The following KLHDC1 variants were observed in gnomAD, a reference collection of about 807,000 sequenced individuals.
The protein encoded by KLHDC1 is kelch domain-containing protein 1.
Under a neutral mutation model 68.3 loss-of-function variants are expected in KLHDC1, and 53 were observed. The observed-to-expected ratio is 0.78, with a 90% confidence interval of 0.62 to 0.98. The LOEUF (loss-of-function observed/expected upper bound fraction) is 0.98. Ranked by LOEUF, KLHDC1 falls within the 50% of genes least tolerant of loss-of-function variation. The probability of loss-of-function intolerance (pLI) is 0.00; values close to 1 mark genes in which losing one functional copy is unlikely to be tolerated. For synonymous variants in KLHDC1, 148 were observed against 159.0 expected, an observed-to-expected ratio of 0.93 and a Z score of 0.52; for missense variants, 470 against 492.3, an observed-to-expected ratio of 0.95 and a Z score of 0.43.
intron 1 of KLHDC1, among the ~76,000 whole-genome samples, chr14:49,695,278 G>T (rs544070386): frequency 2.6e-5 from 4 of 152,116 alleles, no homozygotes; most frequent in African/African-American, 9.6e-5. Flanking sequence ...TTTTACAGGC[G>T]TGAGCCACCG....
At position 49,739,958 on chromosome 14, in the gene KLHDC1, G is replaced by T. The variant is rs1272633912; in HGVS notation, c.897-140G>T. The stretch of plus-strand genomic sequence containing the variant: ...GAGGAATCTTTATAACCCTTTTTAG[G>T]ATATTCCAAAGGTTCAAGTTCAATC... On this transcript the variant is annotated intron_variant, in intron 10 of 12. Transcript: ENST00000359332. The T allele has an allele frequency of 2.1e-5, 11 of 515,160 alleles. No homozygotes were observed. The Admixed American group carries it at 3.8e-4, about 18-fold the overall frequency. 31.9% of individuals were successfully genotyped at this position (515,160 alleles called of 1,614,324 possible). A position where few individuals can be genotyped will look rare whatever the true frequency, so the allele number is the denominator to read the frequency against.
Position 49,746,900 on chromosome 14 carries a change from G to A in KLHDC1, c.1034+3095G>A, listed in dbSNP as rs574811490. 4.0e-5 allele frequency among the ~76,000 whole-genome samples: 6 copies of A among 151,158 alleles called. No homozygotes were observed. The South Asian group carries it at 6.3e-4, about 16-fold the overall frequency. ...CTCCCTTACTCCTTGGACTCTTCTC[G>A]GTTCTCCAAATAATAAGACCCTTCC... On this transcript the variant is annotated intron_variant, in intron 12 of 12. Coordinates refer to ENST00000359332, the MANE Select transcript of KLHDC1 (RefSeq NM_172193.3).
At chr14:49,745,906 A>G (rs1402829966) in intron 12 of KLHDC1, among the ~76,000 whole-genome samples, 1 of 152,242 alleles carries the variant, frequency 6.6e-6, no homozygotes, top group Non-Finnish European at 1.5e-5. Flanking sequence ...TAAGATGATC[A>G]TATTACAAGT....
At chr14:49,746,445 G>C (rs1483881977) in intron 12 of KLHDC1, among the ~76,000 whole-genome samples, 1 of 152,150 alleles carries the variant, frequency 6.6e-6, no homozygotes, top group Admixed American at 6.5e-5. Context: ...AGAGTGACCA[G>C]AGAAGTTGAA....
chr14:49,711,590 A>G (rs1888202325), intron 4 of KLHDC1, among the ~76,000 whole-genome samples: 1 of 151,848 alleles, frequency 6.6e-6, no homozygotes, highest in Non-Finnish European at 1.5e-5. Flanking sequence ...TGCCTGCCTC[A>G]GTCTCCCAAA....
intron 4 of KLHDC1, among the ~76,000 whole-genome samples, chr14:49,715,953 A>G (rs1888366178): frequency 6.6e-6 from 1 of 151,910 alleles, no homozygotes; most frequent in Non-Finnish European, 1.5e-5. Context: ...TCTGATATAA[A>G]TCTTACATGG....
At chr14:49,700,878 C>G (rs978925333) in intron 1 of KLHDC1, among the ~76,000 whole-genome samples, 2 of 151,966 alleles carry the variant, frequency 1.3e-5, no homozygotes, top group Non-Finnish European at 2.9e-5. Context: ...GTCAGGAGTT[C>G]AAGACCAGCC....
chr14:49,713,825 TATATATA>T (rs1888283679), intron 4 of KLHDC1, among the ~76,000 whole-genome samples: 4 of 3,526 alleles, frequency 1.1e-3, no homozygotes, highest in Non-Finnish European at 1.6e-3. Context: ...TATATATATA[TATATATA>T]TATATATATA....
intron 4 of KLHDC1, among the ~76,000 whole-genome samples, chr14:49,714,115 G>A (rs1196365806): frequency 2.0e-5 from 3 of 150,742 alleles, no homozygotes; most frequent in South Asian, 4.2e-4. Context: ...CCAAAGTGCT[G>A]GGACTATAGA....
chr14:49,699,377 G>A (rs981488038), intron 1 of KLHDC1, among the ~76,000 whole-genome samples: 79 of 151,384 alleles, frequency 5.2e-4, no homozygotes, highest in African/African-American at 1.9e-3. Context: ...GAAGGAAAGG[G>A]AGACTAGGAG....
chr14:49,717,192 G>T (rs1179809141), intron 4 of KLHDC1, among the ~76,000 whole-genome samples: 2 of 152,184 alleles, frequency 1.3e-5, no homozygotes, highest in Non-Finnish European at 2.9e-5. Flanking sequence ...ATAACTTTGT[G>T]TGATTCAGTT....
At chr14:49,743,473 C>CTTTTTTTTTTTTTTTTT (rs1889118836) in intron 11 of KLHDC1, among the ~76,000 whole-genome samples, 1 of 150,474 alleles carries the variant, frequency 6.6e-6, no homozygotes, top group African/African-American at 2.4e-5. Context: ...GAATGTATTT[C>CTTTTTTTTTTTTTTTTT]TTATTTTCAA....
chr14:49,720,186 A>G (rs1479586679), intron 4 of KLHDC1, among the ~76,000 whole-genome samples: 1 of 152,044 alleles, frequency 6.6e-6, no homozygotes, highest in Non-Finnish European at 1.5e-5. Context: ...GGGTTTCTCC[A>G]TGTTGGTCGG....
intron 1 of KLHDC1, among the ~76,000 whole-genome samples, chr14:49,696,085 T>A (rs1418069562): frequency 1.4e-5 from 2 of 146,364 alleles, no homozygotes; most frequent in African/African-American, 2.5e-5. Flanking sequence ...AAAAAAAAAA[T>A]CTATTGTTTA....
chr14:49,711,775 A>G (rs1566601352), intron 4 of KLHDC1, among the ~76,000 whole-genome samples: 1 of 152,056 alleles, frequency 6.6e-6, no homozygotes, highest in Non-Finnish European at 1.5e-5. Flanking sequence ...GTTTTAAAAT[A>G]TCATTCACTA....
chr14:49,709,281 T>C (rs928588779), intron 2 of KLHDC1, 52 bp downstream of exon 2: 6 of 785,628 alleles, frequency 7.6e-6, no homozygotes, highest in African/African-American at 5.4e-5. Context: ...ATTATAAATG[T>C]TTCTGTAGAC....
At position 49,752,464 on chromosome 14, in the gene KLHDC1, G is replaced by T. The variant is rs1250477711; in HGVS notation, c.*692G>T. On this transcript the variant is annotated 3_prime_UTR_variant, in exon 13 of 13. Transcript: ENST00000359332. ...CATGTTTTAAAGTACATAAAGTGGA[G>T]GTTTATTTATCATACAGGCTTTGAA... is the stretch of plus-strand genomic sequence containing the variant. 2 of 152,334 alleles carry T rather than the reference G, an allele frequency of 1.3e-5. No homozygotes were observed. The highest frequency in any genetic ancestry group is 2.4e-5 in the African/African-American group (1 of 41,384). The allele number at this position is 152,334 out of a possible 1,614,324, so 9.4% of individuals were successfully genotyped here.
At chr14:49,711,769 T>G (rs562714963) in intron 4 of KLHDC1, among the ~76,000 whole-genome samples, 1 of 152,212 alleles carries the variant, frequency 6.6e-6, no homozygotes, top group African/African-American at 2.4e-5. Context: ...ATTTGTGTTT[T>G]AAAATATCAT....
chr14:49,715,339 T>A (rs553598609), intron 4 of KLHDC1, among the ~76,000 whole-genome samples: 24 of 151,608 alleles, frequency 1.6e-4, no homozygotes. Context: ...GCAAGGATGG[T>A]TTTGATCTCT....
Sources: gnomAD v4.1 joint callset for allele counts (sites outside exome capture counted in the v4.1 genomes callset) on GRCh38, gnomAD v4.1.1 for gene constraint, MANE v1.5 for transcripts, NCBI Gene and HGNC (gene_info 2026-07-23, HGNC 2026-07-21) for gene names.